Variants in SUPT5H observed in about 807,000 individuals in gnomAD.
The protein encoded by SUPT5H is transcription elongation factor SPT5.
Under a neutral mutation model 142.5 loss-of-function variants are expected in SUPT5H, and 24 were observed. The observed-to-expected ratio is 0.17, with a 90% CI of 0.12 to 0.24. The LOEUF (loss-of-function observed/expected upper bound fraction) is 0.24, where lower values mean the gene tolerates loss of function less well. SUPT5H is among the 10% of genes least tolerant of loss of function. The probability of loss-of-function intolerance (pLI) is 1.00; values close to 1 mark genes in which losing one functional copy is unlikely to be tolerated. For synonymous variants in SUPT5H, 546 were observed against 553.0 expected, an observed-to-expected ratio of 0.99 and a Z score of 0.18; for missense variants, 893 against 1,471.8, an observed-to-expected ratio of 0.61 and a Z score of 6.43.
Position 39,453,425 on chromosome 19 carries a change from G to T in SUPT5H, c.145G>T (p.Glu49Ter). ...AGAGCCTGAGGACGAAGAGGAGGAGGAAGAGGAGGAGGAATACGATGAGGA... is the reference window on the plus strand; with the variant it reads ...AGAGCCTGAGGACGAAGAGGAGGAGTAAGAGGAGGAGGAATACGATGAGGA... ...EEEPEDEEEE[E>*]EEEEYDEEEE... The change falls in exon 3 of 30, where the codon GAA becomes TAA. Residue 49 changes from glutamate (E) to a stop codon, truncating the protein, a stop_gained. Transcript: ENST00000432763. LOFTEE classifies it high-confidence loss of function. 1 of 1,583,590 alleles carries T rather than the reference G, an allele frequency of 6.3e-7. No homozygotes were observed. The highest frequency in any genetic ancestry group is 8.6e-7 in the Non-Finnish European group (1 of 1,164,494).
rs1378836764 is a variant in SUPT5H, at chr19:39,458,821, C to T, written c.323C>T (p.Ser108Phe). 1.2e-6 allele frequency: 2 copies of T among 1,611,542 alleles called. No individual in the cohort carries two copies. The highest frequency in any genetic ancestry group is 1.7e-6 in the Non-Finnish European group (2 of 1,178,240). ...CCCTCTGCCCATTATTTTTCAGCCT[C>T]CAATATCGATAATGTTGTCCTGGAT... Reference protein sequence around the residue: ...DILEKEEIEASNIDNVVLDED... With the variant: ...DILEKEEIEAFNIDNVVLDED... The change falls in exon 6 of 30, where the codon TCC (serine) becomes TTC (phenylalanine). Residue 108 changes from serine (S) to phenylalanine (F), a missense_variant. By Grantham distance (155) the Ser-to-Phe change is radical. Coordinates refer to ENST00000432763, the MANE Select transcript of SUPT5H (RefSeq NM_001111020.3). The surrounding 1 kb of genome is among the most constrained non-coding windows in gnomAD (Gnocchi z 4.2).
rs1361994005 is a variant in SUPT5H at position 39,465,010 on chromosome 19, C to G, written c.837C>G (p.Val279=). Residue 279 remains valine, a synonymous_variant, in exon 11 of 30, where the codon GTC becomes GTG. Coordinates refer to ENST00000432763, the MANE Select transcript of SUPT5H (RefSeq NM_001111020.3). Reference sequence around the variant, plus strand: ...CCAACCTGAAACCAAAGTCCTGGGTCCGCCTCAAGCGGGGCATCTACAAGG... The same window carrying G: ...CCAACCTGAAACCAAAGTCCTGGGTGCGCCTCAAGCGGGGCATCTACAAGG... ...EVANLKPKSW[V]RLKRGIYKDD... 1 of 1,614,158 alleles carries G rather than the reference C, an allele frequency of 6.2e-7. No individual in the cohort carries two copies. The highest frequency in any genetic ancestry group is 8.5e-7 in the Non-Finnish European group (1 of 1,179,988).
intron 11 of SUPT5H, 123 bp downstream of exon 11, chr19:39,465,172 C>A: frequency 7.1e-7 from 1 of 1,402,018 alleles, no homozygotes; most frequent in Non-Finnish European, 9.7e-7. Flanking sequence ...TGAGTTGAAG[C>A]AGAGCCTGGG....
intron 13 of SUPT5H, chr19:39,467,506 T>C (rs958195069): frequency 6.6e-6 from 1 of 152,240 alleles, no homozygotes; most frequent in East Asian, 1.9e-4. Context: ...TGGTGTGATA[T>C]ATTGAAATGG....
chr19:39,471,532 C>T (rs2146123334), intron 19 of SUPT5H, 29 bp downstream of exon 19: 1 of 1,613,904 alleles, frequency 6.2e-7, no homozygotes, highest in East Asian at 2.2e-5. Flanking sequence ...TTTTGAGCTG[C>T]ATCTGAAAGA....
At chr19:39,455,521 C>T (rs2079075925) in intron 3 of SUPT5H, among the ~76,000 whole-genome samples, 1 of 151,184 alleles carries the variant, frequency 6.6e-6, no homozygotes, top group Non-Finnish European at 1.5e-5. Flanking sequence ...GAGATTGCTG[C>T]ACTCTAGCTT....
In SUPT5H at chr19:39,471,347, C is replaced by G; in HGVS notation, c.1678-10C>G. The G allele has an allele frequency of 6.2e-7, 1 of 1,614,184 alleles. No homozygotes were observed. The highest frequency in any genetic ancestry group is 8.5e-7 in the Non-Finnish European group (1 of 1,180,028). On this transcript the variant is annotated splice_polypyrimidine_tract_variant and intron_variant, in intron 18 of 29. Transcript: ENST00000432763. ...CTCACCCCCACAGCCTCCCTGCTCTCCCTCTGTAGGTGCTGAACATGTACG... is the reference window on the plus strand; with the variant it reads ...CTCACCCCCACAGCCTCCCTGCTCTGCCTCTGTAGGTGCTGAACATGTACG...
At chr19:39,451,045 T>C (rs1178006775) in intron 2 of SUPT5H, among the ~76,000 whole-genome samples, 1 of 152,094 alleles carries the variant, frequency 6.6e-6, no homozygotes, top group Admixed American at 6.5e-5. Flanking sequence ...AAAATACACA[T>C]TGAGTATTAT....
At chr19:39,475,777 TC>T (rs1226079740) in intron 28 of SUPT5H, 1 of 370,020 alleles carries the variant, frequency 2.7e-6, no homozygotes, top group African/African-American at 2.1e-5. Flanking sequence ...TGAGACCAGG[TC>T]CAGGAAGAGG....
intron 3 of SUPT5H, among the ~76,000 whole-genome samples, chr19:39,454,613 T>G (rs1286661894): frequency 1.3e-5 from 2 of 152,184 alleles, no homozygotes; most frequent in African/African-American, 2.4e-5. Context: ...GTGCTGAGAT[T>G]ACGGGCGTGA....
At chr19:39,456,639 T>G (rs1226073348) in intron 3 of SUPT5H, among the ~76,000 whole-genome samples, 1 of 151,820 alleles carries the variant, frequency 6.6e-6, no homozygotes, top group Non-Finnish European at 1.5e-5. Flanking sequence ...AGGCTGATCA[T>G]GAGCTCCTGT....
In SUPT5H at chr19:39,472,661, C is replaced by A; in HGVS notation, c.2036-149C>A. On this transcript the variant is annotated intron_variant, in intron 21 of 29. Coordinates refer to ENST00000432763, the MANE Select transcript of SUPT5H (RefSeq NM_001111020.3). This position sits in a 1 kb window ranked among gnomAD's most constrained non-coding sequence, Gnocchi z 4.2. ...CAGTGACAGCCCAGAATGGTCAGGGCTTCCATAGGAAAGCCATGGGGCAGG... is the reference window on the plus strand; with the variant it reads ...CAGTGACAGCCCAGAATGGTCAGGGATTCCATAGGAAAGCCATGGGGCAGG... The A allele has an allele frequency of 7.1e-7, 1 of 1,415,314 alleles. No homozygotes were observed. Among genetic ancestry groups the A allele is most frequent in the Non-Finnish European group, 9.4e-7 (1 of 1,058,956 alleles). The allele number at this position is 1,415,314 out of a possible 1,614,324, so 87.7% of individuals were successfully genotyped here. A position where few individuals can be genotyped will look rare whatever the true frequency, so the allele number is the denominator to read the frequency against.
At chr19:39,464,046 C>G (rs888240577) in intron 10 of SUPT5H, among the ~76,000 whole-genome samples, 42 of 146,992 alleles carry the variant, frequency 2.9e-4, no homozygotes, top group South Asian at 2.1e-4. Flanking sequence ...TGCAATGGTG[C>G]GATCTCAGCT....
In SUPT5H at chr19:39,458,736, C is replaced by T. The variant is rs1184692847; in HGVS notation, c.320-82C>T. 2.4e-5 allele frequency: 32 copies of T among 1,359,346 alleles called. No homozygotes were observed. The highest frequency in any genetic ancestry group is 4.6e-5 in the Admixed American group (2 of 43,322). The allele number at this position is 1,359,346 out of a possible 1,614,324, so 84.2% of individuals were successfully genotyped here. ...CCTGCCCCAGGGCCAAACCCTGGCC[C>T]TCTTAGCTGCACGCTCCTATTTTCT... On this transcript the variant is annotated intron_variant, in intron 5 of 29. Transcript: ENST00000432763. This position sits in a 1 kb window ranked among gnomAD's most constrained non-coding sequence, Gnocchi z 4.2.
rs1483831472 is a variant in SUPT5H, at chr19:39,473,446, C to T, written c.2417C>T (p.Thr806Met). 5 of 1,613,390 alleles carry T rather than the reference C, an allele frequency of 3.1e-6. No homozygotes were observed. Among genetic ancestry groups the T allele is most frequent in the Non-Finnish European group, 4.2e-6 (5 of 1,179,940 alleles). The change falls in exon 25 of 30, where the codon ACG becomes ATG. Residue 806 changes from threonine (T) to methionine (M), a missense_variant. By Grantham distance (81) the Thr-to-Met change is moderately conservative. Coordinates refer to ENST00000432763, the MANE Select transcript of SUPT5H (RefSeq NM_001111020.3). The surrounding 1 kb of genome is among the most constrained non-coding windows in gnomAD (Gnocchi z 5.8). ...CGCACCCCACACTACGGCTCACAGACGCCCCTGCATGATGGCAGCCGCACT... is the reference window on the plus strand; with the variant it reads ...CGCACCCCACACTACGGCTCACAGATGCCCCTGCATGATGGCAGCCGCACT... ...GSRTPHYGSQ[T>M]PLHDGSRTPA...
chr19:39,470,638 T>A lies in SUPT5H; in HGVS notation c.1677+115T>A. On this transcript the variant is annotated intron_variant, in intron 18 of 29. Coordinates refer to ENST00000432763, the MANE Select transcript of SUPT5H (RefSeq NM_001111020.3). The surrounding 1 kb of genome is among the most constrained non-coding windows in gnomAD (Gnocchi z 5.8). ...GACTGCTCTGGGTTGCAGATCTGGC[T>A]CTGTCACTTACATCTGAATGGCTGA... 1 of 1,224,038 alleles carries A rather than the reference T, an allele frequency of 8.2e-7. No homozygotes were observed. The highest frequency in any genetic ancestry group is 1.1e-6 in the Non-Finnish European group (1 of 902,492). The allele number at this position is 1,224,038 out of a possible 1,614,324, so 75.8% of individuals were successfully genotyped here.
Position 39,458,828 on chromosome 19 carries a change from C to G in SUPT5H, c.330C>G (p.Ile110Met). ...LEKEEIEASN[I>M]DNVVLDEDRS... ...CCCATTATTTTTCAGCCTCCAATAT[C>G]GATAATGTTGTCCTGGATGAAGATC... The change falls in exon 6 of 30, where the codon ATC (isoleucine) becomes ATG (methionine). Residue 110 changes from isoleucine to methionine, a missense_variant. By Grantham distance (10) the Ile-to-Met change is conservative (BLOSUM62 1). Coordinates refer to ENST00000432763, the MANE Select transcript of SUPT5H (RefSeq NM_001111020.3). This position sits in a 1 kb window ranked among gnomAD's most constrained non-coding sequence, Gnocchi z 4.2. 1 of 1,612,416 alleles carries G rather than the reference C, an allele frequency of 6.2e-7. No individual in the cohort carries two copies. Among genetic ancestry groups the G allele is most frequent in the Non-Finnish European group, 8.5e-7 (1 of 1,178,874 alleles).
chr19:39,458,541 T>C lies in SUPT5H; in HGVS notation c.319+236T>C. ...ACTGAGCATTTGTGGGTGGTAGCGA[T>C]GTGTGGGGTGGGGTGCAGTCCAGGG... is the stretch of plus-strand genomic sequence containing the variant. On this transcript the variant is annotated intron_variant, in intron 5 of 29. Coordinates refer to ENST00000432763, the MANE Select transcript of SUPT5H (RefSeq NM_001111020.3). This position sits in a 1 kb window ranked among gnomAD's most constrained non-coding sequence, Gnocchi z 4.2. 1 of 834,840 alleles carries C rather than the reference T, an allele frequency of 1.2e-6. No individual in the cohort carries two copies. Among genetic ancestry groups the C allele is most frequent in the Non-Finnish European group, 1.9e-6 (1 of 536,512 alleles). The allele number at this position is 834,840 out of a possible 1,614,324, so 51.7% of individuals were successfully genotyped here. A position where few individuals can be genotyped will look rare whatever the true frequency, so the allele number is the denominator to read the frequency against.
chr19:39,458,597 G>C lies in SUPT5H; in HGVS notation c.320-221G>C. On this transcript the variant is annotated intron_variant, in intron 5 of 29. Coordinates refer to ENST00000432763, the MANE Select transcript of SUPT5H (RefSeq NM_001111020.3). The surrounding 1 kb of genome is among the most constrained non-coding windows in gnomAD (Gnocchi z 4.2). ...CTGGACTTTGAGATGGGAACAGCTG[G>C]AAGCCCCCCAACTTGCTGGGCCCCA... 1 of 696,976 alleles carries C rather than the reference G, an allele frequency of 1.4e-6. No homozygotes were observed. Among genetic ancestry groups the C allele is most frequent in the Non-Finnish European group, 2.4e-6 (1 of 423,358 alleles). The allele number at this position is 696,976 out of a possible 1,614,324, so 43.2% of individuals were successfully genotyped here. A position where few individuals can be genotyped will look rare whatever the true frequency, so the allele number is the denominator to read the frequency against.
Sources: gnomAD v4.1 joint callset for allele counts (sites outside exome capture counted in the v4.1 genomes callset) on GRCh38, gnomAD v4.1.1 for gene constraint, Gnocchi (gnomAD v3.1) non-coding constraint, MANE v1.5 for transcripts, NCBI Gene and HGNC (gene_info 2026-07-23, HGNC 2026-07-21) for gene names.